The following GOLGA8A variants were observed in gnomAD, a reference collection of about 807,000 sequenced individuals.
GOLGA8A encodes golgin A8 family member A.
In GOLGA8A, 3 loss-of-function variants were observed where a neutral mutation model predicts 22.1. That is an observed-to-expected ratio of 0.14 (90% CI 0.06 to 0.35). The LOEUF is 0.35. Among genes scored for constraint, GOLGA8A ranks in the 10% least tolerant of loss-of-function variants. The pLI, the probability that GOLGA8A is intolerant of heterozygous loss-of-function variation, is 1.00. For synonymous variants in GOLGA8A, 7 were observed against 91.7 expected (o/e 0.08, Z 5.28); for missense variants, 16 against 233.2 (o/e 0.07, Z 6.07).
intron 2 of GOLGA8A, among the ~76,000 whole-genome samples, chr15:34,425,188 C>T (rs1338454664): frequency 6.8e-6 from 1 of 146,402 alleles, no homozygotes; most frequent in Non-Finnish European, 1.5e-5. Context: ...AGGTAATGGC[C>T]CTTTAAGATA....
rs545448127 is a variant in GOLGA8A, at chr15:34,417,610, T to G, written c.-1122-9875A>C. 1.4e-5 allele frequency: 2 copies of G among 145,170 alleles called. 1 individual carries two copies. Among genetic ancestry groups the G allele is most frequent in the Non-Finnish European group, 3.0e-5 (2 of 66,430 alleles). 9.0% of individuals were successfully genotyped at this position (145,170 alleles called of 1,614,324 possible). A position where few individuals can be genotyped will look rare whatever the true frequency, so the allele number is the denominator to read the frequency against. ...CCTAATTTTGAATCATCCTTGTATT[T>G]CTATAATAAACACTGTTAGAATGCA... On this transcript the variant is annotated intron_variant, in intron 2 of 24. Coordinates refer to ENST00000359187, the MANE Select transcript of GOLGA8A (RefSeq NM_181077.5).
intron 2 of GOLGA8A, among the ~76,000 whole-genome samples, chr15:34,432,086 A>G (rs1363014841): frequency 6.7e-6 from 1 of 149,246 alleles, no homozygotes; most frequent in Non-Finnish European, 1.5e-5. Flanking sequence ...GATTCTAGGG[A>G]CAAGAAGTGC....
At chr15:34,428,015 A>C (rs7168232) in intron 2 of GOLGA8A, among the ~76,000 whole-genome samples, 13,619 of 148,546 alleles carry the variant, frequency 0.092, 1,646 homozygotes, top group South Asian at 0.25. Context: ...CATCAAGATG[A>C]TACAAAGGTC....
Position 34,418,452 on chromosome 15 carries a change from T to C in GOLGA8A, c.-1122-10717A>G, listed in dbSNP as rs892524384. 9 of 143,248 alleles carry C rather than the reference T, an allele frequency of 6.3e-5. 1 individual carries two copies. The highest frequency in any genetic ancestry group is 5.9e-4 in the Admixed American group (8 of 13,626). The allele number at this position is 143,248 out of a possible 1,614,324, so 8.9% of individuals were successfully genotyped here. ...TGGTCTTGATTGTTTTACAAGATTT[T>C]TTCTGCAGGTACTTTTGCAAGTGTG... On this transcript the variant is annotated intron_variant, in intron 2 of 24. Coordinates refer to ENST00000359187, the MANE Select transcript of GOLGA8A (RefSeq NM_181077.5).
At chr15:34,427,109 G>C (rs1334223457) in intron 2 of GOLGA8A, among the ~76,000 whole-genome samples, 1 of 147,734 alleles carries the variant, frequency 6.8e-6, no homozygotes, top group Non-Finnish European at 1.5e-5. Flanking sequence ...GAAGCAGGCA[G>C]ATCACGAGAT....
At chr15:34,405,730 C>T (rs1892203204) in intron 4 of GOLGA8A, among the ~76,000 whole-genome samples, 1 of 140,260 alleles carries the variant, frequency 7.1e-6, no homozygotes, top group African/African-American at 2.5e-5. Flanking sequence ...ACTGCAGTAG[C>T]TGGTGCCATC....
intron 2 of GOLGA8A, among the ~76,000 whole-genome samples, chr15:34,430,283 C>T (rs1461996101): frequency 6.7e-6 from 1 of 149,190 alleles, no homozygotes; most frequent in Non-Finnish European, 1.5e-5. Context: ...CCCCAACAAC[C>T]GCACATCCCA....
intron 8 of GOLGA8A, among the ~76,000 whole-genome samples, chr15:34,397,511 T>C (rs1289958650): frequency 6.7e-6 from 1 of 148,608 alleles, no homozygotes; most frequent in African/African-American, 2.4e-5. Flanking sequence ...ACATTCATTG[T>C]TTCTGATAAT....
chr15:34,430,722 A>T (rs1414938727), intron 2 of GOLGA8A, among the ~76,000 whole-genome samples: 10 of 149,826 alleles, frequency 6.7e-5, no homozygotes, highest in African/African-American at 2.5e-4. Flanking sequence ...GTAGCAGAAC[A>T]GTTGCACACA....
At chr15:34,435,075 C>T (rs938240986) in intron 2 of GOLGA8A, among the ~76,000 whole-genome samples, 2 of 149,538 alleles carry the variant, frequency 1.3e-5, no homozygotes, top group African/African-American at 2.5e-5. Flanking sequence ...CTTCAGACGA[C>T]GGTGTCACCT....
chr15:34,429,074 A>C (rs1595667646), intron 2 of GOLGA8A: 1 of 125,286 alleles, frequency 8.0e-6, no homozygotes, highest in Admixed American at 8.5e-5. Flanking sequence ...CTGCGTCCTC[A>C]CTGCACCCCT....
At chr15:34,434,893 A>G (rs1893428386) in intron 2 of GOLGA8A, among the ~76,000 whole-genome samples, 1 of 149,532 alleles carries the variant, frequency 6.7e-6, no homozygotes, top group South Asian at 2.1e-4. Flanking sequence ...TGGTACAGCC[A>G]GGGCCGCTGC....
chr15:34,428,943 C>G (rs117872440), intron 2 of GOLGA8A: 3,669 of 146,650 alleles, frequency 0.025, 263 homozygotes, highest in Middle Eastern at 0.059. Context: ...AACGTCTGCA[C>G]TAGCAAGGCT....
rs1892244998 is a variant in GOLGA8A, at chr15:34,406,781, TTC to T, written c.-823_-822del. The T allele has an allele frequency of 7.3e-6, 1 of 137,254 alleles. No homozygotes were observed. Among genetic ancestry groups the T allele is most frequent in the Non-Finnish European group, 1.6e-5 (1 of 62,172 alleles). 8.5% of individuals were successfully genotyped at this position (137,254 alleles called of 1,614,324 possible). A position where few individuals can be genotyped will look rare whatever the true frequency, so the allele number is the denominator to read the frequency against. ...TAGCTGGGAAAGAGAGCTCCCACTG[TTC>T]TCTTTTAACCCTTGTCCTTTTGTAC... On this transcript the variant is annotated 5_prime_UTR_variant, in exon 4 of 25. Coordinates refer to ENST00000359187, the MANE Select transcript of GOLGA8A (RefSeq NM_181077.5).
intron 2 of GOLGA8A, among the ~76,000 whole-genome samples, chr15:34,429,169 G>GC (rs1893119985): frequency 6.8e-6 from 1 of 146,892 alleles, no homozygotes; most frequent in Non-Finnish European, 1.5e-5. Context: ...GCCCCTGACC[G>GC]CGTCTTCCTC....
chr15:34,430,037 G>A (rs532671925), intron 2 of GOLGA8A, among the ~76,000 whole-genome samples: 1 of 147,526 alleles, frequency 6.8e-6, no homozygotes, highest in East Asian at 2.0e-4. Flanking sequence ...ACCAAGACAA[G>A]TTGGAGATGA....
intron 2 of GOLGA8A, among the ~76,000 whole-genome samples, chr15:34,423,645 A>C (rs973647256): frequency 6.7e-6 from 1 of 148,606 alleles, no homozygotes; most frequent in African/African-American, 2.5e-5. Flanking sequence ...ACAACTGAGG[A>C]TGACCCTGAG....
At chr15:34,436,307 CA>C (rs2140300886) in intron 1 of GOLGA8A, among the ~76,000 whole-genome samples, 1 of 149,536 alleles carries the variant, frequency 6.7e-6, no homozygotes, top group African/African-American at 2.5e-5. Context: ...GAAAAACAAA[CA>C]AAAACAAAGA....
chr15:34,427,757 T>C (rs1043625017), intron 2 of GOLGA8A, among the ~76,000 whole-genome samples: 1 of 148,138 alleles, frequency 6.8e-6, no homozygotes, highest in African/African-American at 2.5e-5. Flanking sequence ...AAACAAGACA[T>C]GTTCAAAAGA....
Sources: gnomAD v4.1 joint callset for allele counts (sites outside exome capture counted in the v4.1 genomes callset) on GRCh38, gnomAD v4.1.1 for gene constraint, MANE v1.5 for transcripts, NCBI Gene and HGNC (gene_info 2026-07-23, HGNC 2026-07-21) for gene names.